NAV3: variants seen among roughly 807,000 people sequenced by gnomAD.
NAV3 encodes pore membrane and/or filament interacting like protein 1.
NAV3 carries 87 observed loss-of-function variants against 244.7 expected under a neutral mutation model. The ratio of observed to expected loss-of-function variants is 0.36; its 90% CI spans 0.30 to 0.42. NAV3 has a LOEUF of 0.42. Ranked by LOEUF, NAV3 falls within the 20% of genes least tolerant of loss-of-function variation. NAV3 has a pLI of 1.00. For missense variants in NAV3, 2,663 were observed against 2,893.3 expected (o/e 0.92, Z 1.83); for synonymous variants, 1,126 against 1,042.2 (o/e 1.08, Z -1.55).
chr12:77,805,987 G>A (rs1175026915), intron 2 of NAV3, among the ~76,000 whole-genome samples: 1 of 152,152 alleles, frequency 6.6e-6, no homozygotes, highest in Non-Finnish European at 1.5e-5. Flanking sequence ...ATGGTAGTTT[G>A]TATTTCTGTG....
At chr12:78,154,313 G>C (rs572393) in intron 22 of NAV3, among the ~76,000 whole-genome samples, 1 of 130,480 alleles carries the variant, frequency 7.7e-6, no homozygotes, top group African/African-American at 2.9e-5. Context: ...ATAATATATA[G>C]TATATATATA....
At chr12:77,767,793 A>T (rs1869856005) in intron 2 of NAV3, among the ~76,000 whole-genome samples, 1 of 152,184 alleles carries the variant, frequency 6.6e-6, no homozygotes, top group African/African-American at 2.4e-5. Context: ...TAGGTCTGAG[A>T]TCCCCAAAGG....
At chr12:77,897,996 C>T (rs906433329) in intron 1 of NAV3, among the ~76,000 whole-genome samples, 1 of 152,168 alleles carries the variant, frequency 6.6e-6, no homozygotes, top group African/African-American at 2.4e-5. Flanking sequence ...TTTTAAGCAC[C>T]TATATTTGTT....
chr12:77,772,095 C>A (rs1592668130), intron 2 of NAV3, among the ~76,000 whole-genome samples: 1 of 152,124 alleles, frequency 6.6e-6, no homozygotes, highest in East Asian at 1.9e-4. Flanking sequence ...ACCTCAACTA[C>A]AAATTTGATA....
rs971976117 is a variant in NAV3, at chr12:78,106,103, A to G, written c.2637-10669A>G. 4.6e-5 allele frequency among the ~76,000 whole-genome samples: 7 copies of G among 151,912 alleles called. No homozygotes were observed. The East Asian group carries it at 1.4e-3, about 29-fold the overall frequency. On this transcript the variant is annotated intron_variant, in intron 12 of 39. Coordinates refer to ENST00000397909, the MANE Select transcript of NAV3 (RefSeq NM_001024383.2). The stretch of plus-strand genomic sequence containing the variant: ...TTGTTGCATTAATATATTTAAATGT[A>G]GAGAGCATACAGATTAGCAAAGAAA...
chr12:77,922,257 G>A (rs147782155), intron 1 of NAV3, among the ~76,000 whole-genome samples: 1 of 152,078 alleles, frequency 6.6e-6, no homozygotes, highest in South Asian at 2.1e-4. Context: ...GAACCAGAGA[G>A]GTTTTTTTGG....
At chr12:78,190,416 CAGT>C (rs1958922402) in intron 34 of NAV3, among the ~76,000 whole-genome samples, 197 bp downstream of exon 34, 1 of 151,822 alleles carries the variant, frequency 6.6e-6, no homozygotes, top group Non-Finnish European at 1.5e-5. Flanking sequence ...CAGTAACATT[CAGT>C]TATCAGGTAC....
At position 77,632,517 on chromosome 12, in the gene NAV3, A is replaced by G. The variant is rs372963788; in HGVS notation, c.72+60251A>G. On this transcript the variant is annotated intron_variant, in intron 2 of 8. Transcript: ENST00000550042. ...TCTAGTGAGACTTATCACTGTCACA[A>G]GAACATCAGGGCAAAGACCCACCCC... Among the ~76,000 whole-genome samples the G allele has an allele frequency of 1.2e-4, 18 of 152,190 alleles. No homozygotes were observed. The South Asian group carries it at 1.2e-3, about 11-fold the overall frequency.
intron 1 of NAV3, among the ~76,000 whole-genome samples, chr12:77,923,226 T>G (rs912467216): frequency 6.6e-6 from 1 of 152,062 alleles, no homozygotes; most frequent in African/African-American, 2.4e-5. Flanking sequence ...CTAAAGTCAA[T>G]TTAAGAAATA....
chr12:77,859,534 G>C (rs1164600130), intron 1 of NAV3, among the ~76,000 whole-genome samples: 2 of 151,406 alleles, frequency 1.3e-5, no homozygotes, highest in South Asian at 4.2e-4. Flanking sequence ...CGAGTTAGTG[G>C]GTGCAGCGCA....
intron 18 of NAV3, among the ~76,000 whole-genome samples, chr12:78,134,585 G>A (rs953878679): frequency 1.3e-5 from 2 of 152,088 alleles, no homozygotes; most frequent in African/African-American, 2.4e-5. Context: ...GTGACTTGGG[G>A]TTATTTAAGA....
chr12:77,642,626 A>T (rs1402394405), intron 2 of NAV3, among the ~76,000 whole-genome samples: 1 of 152,078 alleles, frequency 6.6e-6, no homozygotes, highest in Non-Finnish European at 1.5e-5. Context: ...GAATTACATG[A>T]CCTGGAAATG....
intron 2 of NAV3, among the ~76,000 whole-genome samples, chr12:77,603,840 G>A (rs1454200354): frequency 6.6e-6 from 1 of 152,114 alleles, no homozygotes; most frequent in African/African-American, 2.4e-5. Flanking sequence ...CGGTACAAAG[G>A]GAGATGCTTA....
At chr12:78,196,223 A>G in intron 34 of NAV3, among the ~76,000 whole-genome samples, 1 of 152,104 alleles carries the variant, frequency 6.6e-6, no homozygotes, top group East Asian at 1.9e-4. Context: ...TTAGCTCAAT[A>G]GAAAACAAAT....
rs866887277 is a variant in NAV3 at position 78,035,019 on chromosome 12, C to T, written c.2023+13157C>T. ...TGTCACAAATAATTGCTGTTCTTTC[C>T]AGCTAATTTCCTTTTCATATCTATA... On this transcript the variant is annotated intron_variant, in intron 9 of 39. Transcript: ENST00000397909. Among the ~76,000 whole-genome samples the T allele has an allele frequency of 2.6e-5, 4 of 152,134 alleles. No individual in the cohort carries two copies. In the South Asian group the frequency reaches 8.3e-4, roughly 32 times the overall value.
At chr12:78,205,618 T>A (rs1960216621) in intron 39 of NAV3, among the ~76,000 whole-genome samples, 1 of 151,994 alleles carries the variant, frequency 6.6e-6, no homozygotes, top group Non-Finnish European at 1.5e-5. Flanking sequence ...GACTTGGAAG[T>A]CAAATGGAAG....
At chr12:77,966,514 T>C (rs1892529763) in intron 4 of NAV3, among the ~76,000 whole-genome samples, 1 of 152,132 alleles carries the variant, frequency 6.6e-6, no homozygotes, top group South Asian at 2.1e-4. Flanking sequence ...GAACTGTTCT[T>C]TTCTTAACCA....
At chr12:77,940,647 A>G (rs1344266067) in intron 2 of NAV3, among the ~76,000 whole-genome samples, 1 of 152,236 alleles carries the variant, frequency 6.6e-6, no homozygotes, top group African/African-American at 2.4e-5. Flanking sequence ...ATCTTTATAT[A>G]CATAAACTTG....
chr12:77,902,216 G>A lies in NAV3; in HGVS notation c.244-38103G>A, dbSNP rs186470011. ...CTGTAATCAGGATGCTACTTTGCCG[G>A]AAATTGGTTTCTAGACTCATTGTTT... On this transcript the variant is annotated intron_variant, in intron 1 of 39. Coordinates refer to ENST00000397909, the MANE Select transcript of NAV3 (RefSeq NM_001024383.2). 1.8e-3 allele frequency among the ~76,000 whole-genome samples: 270 copies of A among 152,242 alleles called. 2 individuals carry two copies. The highest frequency in any genetic ancestry group is 1.8e-3 in the Non-Finnish European group (120 of 68,024).
Sources: gnomAD v4.1 joint callset for allele counts (sites outside exome capture counted in the v4.1 genomes callset) on GRCh38, gnomAD v4.1.1 for gene constraint, MANE v1.5 for transcripts, NCBI Gene and HGNC (gene_info 2026-07-23, HGNC 2026-07-21) for gene names.